DDIAS: variants seen among roughly 807,000 people sequenced by gnomAD.
The protein encoded by DDIAS is DNA damage-induced apoptosis suppressor protein.
A neutral mutation model predicts 15.7 loss-of-function variants in DDIAS; 14 were observed. That is an observed-to-expected ratio of 0.89 (90% CI 0.59 to 1.39). The LOEUF (loss-of-function observed/expected upper bound fraction) is 1.39. Ranked by LOEUF, DDIAS falls within the 40% of genes most tolerant of loss-of-function variation. The probability of loss-of-function intolerance (pLI) is 0.00; values close to 1 mark genes in which losing one functional copy is unlikely to be tolerated. For missense variants in DDIAS, 1,035 were observed against 1,130.9 expected (o/e 0.92, Z 1.22); for synonymous variants, 355 against 395.9 (o/e 0.90, Z 1.23).
intron 3 of DDIAS, among the ~76,000 whole-genome samples, chr11:82,917,389 C>T (rs936858403): frequency 3.3e-5 from 5 of 150,818 alleles, no homozygotes; most frequent in Non-Finnish European, 5.9e-5. Context: ...TCACTGAGAA[C>T]ATATGGTGTT....
At chr11:82,913,717 C>T (rs1274270304) in intron 2 of DDIAS, 1 of 447,684 alleles carries the variant, frequency 2.2e-6, no homozygotes, top group Non-Finnish European at 4.5e-6. Flanking sequence ...AGAACAATTT[C>T]CACCAATTTA....
chr11:82,926,186 C>T (rs1021254067), intron 3 of DDIAS, among the ~76,000 whole-genome samples: 16 of 151,048 alleles, frequency 1.1e-4, no homozygotes, highest in Non-Finnish European at 2.1e-4. Context: ...GCCGCCTGAG[C>T]TCAAGCAATC....
chr11:82,932,847 A>G lies in DDIAS; in HGVS notation c.1509A>G (p.Leu503=), dbSNP rs966364066. 6 of 1,613,502 alleles carry G rather than the reference A, an allele frequency of 3.7e-6. No individual in the cohort carries two copies. The highest frequency in any genetic ancestry group is 5.1e-6 in the Non-Finnish European group (6 of 1,179,976). The change falls in exon 6 of 6, where the codon CTA becomes CTG. Residue 503 remains leucine, a synonymous_variant. Coordinates refer to ENST00000533655, the MANE Select transcript of DDIAS (RefSeq NM_145018.4). ...DDFLFNCKGN[L]SPSVEKESQP... ...TCCTTTTCAACTGTAAAGGAAATCT[A>G]AGTCCTAGTGTTGAAAAGGAGTCAC...
chr11:82,925,881 G>A (rs960594221), intron 3 of DDIAS, among the ~76,000 whole-genome samples: 6 of 150,414 alleles, frequency 4.0e-5, no homozygotes, highest in Non-Finnish European at 5.9e-5. Context: ...CCAGCTAATC[G>A]GGAGGCTGAG....
At chr11:82,918,409 G>A (rs1341414179) in intron 3 of DDIAS, among the ~76,000 whole-genome samples, 1 of 152,028 alleles carries the variant, frequency 6.6e-6, no homozygotes, top group East Asian at 1.9e-4. Flanking sequence ...TTTATTTCTG[G>A]GTTCTCTATT....
At chr11:82,930,075 A>G in intron 4 of DDIAS, 82 bp from the exon 5 acceptor site, 2 of 801,158 alleles carry the variant, frequency 2.5e-6, no homozygotes, top group Non-Finnish European at 4.0e-6. Context: ...CTGCATTTTC[A>G]AATTAATTGT....
At chr11:82,909,331 GGTGGGTTTTA>G (rs1456196337) in intron 1 of DDIAS, 1 of 152,104 alleles carries the variant, frequency 6.6e-6, no homozygotes, top group Non-Finnish European at 1.5e-5. Context: ...TCTTAGTTTT[GGTGGGTTTTA>G]GCAGGCTTCT....
At chr11:82,918,997 G>A (rs1466741667) in intron 3 of DDIAS, among the ~76,000 whole-genome samples, 2 of 152,148 alleles carry the variant, frequency 1.3e-5, no homozygotes, top group Non-Finnish European at 2.9e-5. Context: ...GCTTTCTGGA[G>A]GAGTCTTTAG....
intron 3 of DDIAS, among the ~76,000 whole-genome samples, chr11:82,927,063 A>T (rs1043476190): frequency 6.6e-6 from 1 of 152,176 alleles, no homozygotes; most frequent in Non-Finnish European, 1.5e-5. Context: ...TTGTCATCTC[A>T]GATAAAAATT....
chr11:82,932,540 C>G lies in DDIAS; in HGVS notation c.1202C>G (p.Thr401Arg), dbSNP rs768893497. ...CPPSLLRLEETASSSQDGDPQ... is the reference protein window; with the variant it reads ...CPPSLLRLEERASSSQDGDPQ... ...CCTTCGTTACTCAGACTTGAAGAGACAGCCAGCAGTTCCCAGGATGGTGAC... is the reference window on the plus strand; with the variant it reads ...CCTTCGTTACTCAGACTTGAAGAGAGAGCCAGCAGTTCCCAGGATGGTGAC... Residue 401 changes from threonine (T) to arginine (R), a missense_variant, in exon 6 of 6, where the codon ACA becomes AGA. Coordinates refer to ENST00000533655, the MANE Select transcript of DDIAS (RefSeq NM_145018.4). 1.2e-6 allele frequency: 2 copies of G among 1,614,200 alleles called. No individual in the cohort carries two copies. Among genetic ancestry groups the G allele is most frequent in the East Asian group, 2.2e-5 (1 of 44,888 alleles).
At chr11:82,926,470 G>C (rs1159412620) in intron 3 of DDIAS, among the ~76,000 whole-genome samples, 1 of 152,168 alleles carries the variant, frequency 6.6e-6, no homozygotes, top group Non-Finnish European at 1.5e-5. Flanking sequence ...TTTTTTAAGA[G>C]TATTAAAGGA....
intron 1 of DDIAS, among the ~76,000 whole-genome samples, chr11:82,911,272 T>C (rs1350200454): frequency 6.6e-6 from 1 of 152,244 alleles, no homozygotes; most frequent in African/African-American, 2.4e-5. Context: ...TACCATGTAA[T>C]GCTGTTTGAT....
chr11:82,905,457 A>G (rs1860408966), intron 1 of DDIAS, among the ~76,000 whole-genome samples: 1 of 152,156 alleles, frequency 6.6e-6, no homozygotes, highest in South Asian at 2.1e-4. Context: ...CTTAGAAAAT[A>G]TCTTAAATAT....
At chr11:82,920,984 C>T (rs1860734365) in intron 3 of DDIAS, among the ~76,000 whole-genome samples, 1 of 151,998 alleles carries the variant, frequency 6.6e-6, no homozygotes, top group African/African-American at 2.4e-5. Context: ...TATTGAAGTC[C>T]TCCACTATTA....
intron 3 of DDIAS, among the ~76,000 whole-genome samples, chr11:82,915,615 C>A (rs1302354156): frequency 6.6e-6 from 1 of 152,158 alleles, no homozygotes; most frequent in African/African-American, 2.4e-5. Flanking sequence ...CTTTATTAAG[C>A]CACTCTCTCA....
At chr11:82,917,177 G>A (rs746782047) in intron 3 of DDIAS, among the ~76,000 whole-genome samples, 19 of 152,002 alleles carry the variant, frequency 1.2e-4, no homozygotes, top group Non-Finnish European at 2.1e-4. Context: ...AGGTTATTGG[G>A]GTACAGGTGG....
intron 3 of DDIAS, among the ~76,000 whole-genome samples, chr11:82,916,858 G>C (rs1399025153): frequency 2.0e-5 from 3 of 152,294 alleles, no homozygotes; most frequent in Non-Finnish European, 2.9e-5. Context: ...CAGCTAGTTA[G>C]GGGCAGAAAC....
intron 3 of DDIAS, among the ~76,000 whole-genome samples, chr11:82,928,052 A>G (rs1363364818): frequency 6.6e-6 from 1 of 152,154 alleles, no homozygotes. Flanking sequence ...AAATTTTATA[A>G]TCTGATAAGT....
At chr11:82,926,609 T>C (rs1860867712) in intron 3 of DDIAS, among the ~76,000 whole-genome samples, 1 of 152,342 alleles carries the variant, frequency 6.6e-6, no homozygotes, top group Admixed American at 6.5e-5. Flanking sequence ...TCTCAAAGTA[T>C]GGCCTAAGGT....
Sources: gnomAD v4.1 joint callset for allele counts (sites outside exome capture counted in the v4.1 genomes callset) on GRCh38, gnomAD v4.1.1 for gene constraint, MANE v1.5 for transcripts, NCBI Gene and HGNC (gene_info 2026-07-23, HGNC 2026-07-21) for gene names.